CTNNA3: variants seen among roughly 807,000 people sequenced by gnomAD.
CTNNA3 encodes the protein catenin alpha 3, also known as catenin alpha-3.
Under a neutral mutation model 95.7 loss-of-function variants are expected in CTNNA3, and 76 were observed. That is an observed-to-expected ratio of 0.79 (90% CI 0.66 to 0.96). CTNNA3 has a LOEUF of 0.96. CTNNA3 is among the 40% of genes least tolerant of loss of function. CTNNA3 has a pLI of 0.00. For missense variants in CTNNA3, 1,191 were observed against 1,089.8 expected, an observed-to-expected ratio of 1.09 and a Z score of -1.31; for synonymous variants, 431 against 374.4, an observed-to-expected ratio of 1.15 and a Z score of -1.74.
intron 7 of CTNNA3, among the ~76,000 whole-genome samples, chr10:66,798,332 T>C (rs983509263): frequency 1.3e-5 from 2 of 151,798 alleles, no homozygotes; most frequent in Non-Finnish European, 2.9e-5. Context: ...TATTAACCTG[T>C]TTAGATTTAT....
At chr10:67,359,251 A>AG (rs945773837) in intron 5 of CTNNA3, among the ~76,000 whole-genome samples, 12 of 151,782 alleles carry the variant, frequency 7.9e-5, no homozygotes, top group African/African-American at 2.9e-4. Flanking sequence ...AAAAAAAAAA[A>AG]AAAGAAAGAA....
At chr10:66,237,961 G>T (rs2089934990) in intron 13 of CTNNA3, among the ~76,000 whole-genome samples, 1 of 151,926 alleles carries the variant, frequency 6.6e-6, no homozygotes, top group African/African-American at 2.4e-5. Flanking sequence ...CAAATCATTT[G>T]CTATAAATGA....
chr10:66,514,844 T>G (rs1287231843), intron 11 of CTNNA3, among the ~76,000 whole-genome samples: 2 of 152,160 alleles, frequency 1.3e-5, no homozygotes, highest in African/African-American at 2.4e-5. Flanking sequence ...TAGCTCATGA[T>G]GAGTCAGTTT....
intron 5 of CTNNA3, among the ~76,000 whole-genome samples, chr10:67,226,638 A>C (rs1292854018): frequency 6.6e-6 from 1 of 152,206 alleles, no homozygotes; most frequent in African/African-American, 2.4e-5. Context: ...ATCATATATG[A>C]AGGAAAGATA....
intron 13 of CTNNA3, among the ~76,000 whole-genome samples, chr10:66,144,733 C>G (rs2083793810): frequency 6.6e-6 from 1 of 152,312 alleles, no homozygotes; most frequent in African/African-American, 2.4e-5. Context: ...GATCATCCAC[C>G]CGCATTGGCC....
At chr10:66,335,977 A>C (rs1387071361) in intron 12 of CTNNA3, among the ~76,000 whole-genome samples, 1 of 152,108 alleles carries the variant, frequency 6.6e-6, no homozygotes, top group Non-Finnish European at 1.5e-5. Flanking sequence ...GTTTGATCTC[A>C]GCCTGCTGTG....
At chr10:66,542,657 A>C (rs1841896644) in intron 10 of CTNNA3, among the ~76,000 whole-genome samples, 1 of 147,618 alleles carries the variant, frequency 6.8e-6, no homozygotes, top group Non-Finnish European at 1.5e-5. Flanking sequence ...CAAACACCGC[A>C]TGTTCTCACT....
intron 11 of CTNNA3, among the ~76,000 whole-genome samples, chr10:66,469,646 T>C (rs547119035): frequency 9.2e-5 from 14 of 151,964 alleles, no homozygotes; most frequent in Non-Finnish European, 2.1e-4. Flanking sequence ...TACCCTGCAC[T>C]ACAGACACTG....
chr10:66,396,148 T>C (rs975993404), intron 11 of CTNNA3, among the ~76,000 whole-genome samples: 1 of 152,034 alleles, frequency 6.6e-6, no homozygotes, highest in African/African-American at 2.4e-5. Context: ...TAGTATTCCA[T>C]GCATATACCA....
At position 66,927,314 on chromosome 10, in the gene CTNNA3, C is replaced by T. The variant is rs1847136021; in HGVS notation, c.1048-151790G>A. On this transcript the variant is annotated intron_variant, in intron 7 of 17. Coordinates refer to ENST00000433211, the MANE Select transcript of CTNNA3 (RefSeq NM_013266.4). The surrounding 1 kb of genome is among the most constrained non-coding windows in gnomAD (Gnocchi z 4.7). ...CTTAACAATACCTTCAGACCTGTGA[C>T]AAATTTACGGAACTTGGATCTGTCC... The T allele has an allele frequency of 1.9e-6, 3 of 1,614,038 alleles. No individual in the cohort carries two copies. The highest frequency in any genetic ancestry group is 1.7e-6 in the Non-Finnish European group (2 of 1,180,036).
At chr10:66,491,737 A>C (rs1839930419) in intron 11 of CTNNA3, among the ~76,000 whole-genome samples, 1 of 152,176 alleles carries the variant, frequency 6.6e-6, no homozygotes, top group Non-Finnish European at 1.5e-5. Context: ...AAAATCAGGC[A>C]GGCTAATTTT....
At chr10:66,903,327 GC>G (rs1306238908) in intron 7 of CTNNA3, among the ~76,000 whole-genome samples, 7 of 151,998 alleles carry the variant, frequency 4.6e-5, no homozygotes, top group Admixed American at 4.6e-4. Flanking sequence ...AAATTCAATA[GC>G]CCTTCCTGCT....
At chr10:66,534,488 A>ATG in intron 10 of CTNNA3, among the ~76,000 whole-genome samples, 1 of 13,898 alleles carries the variant, frequency 7.2e-5, no homozygotes, top group Non-Finnish European at 3.7e-4. Flanking sequence ...ATATATATAT[A>ATG]TATATATATA....
intron 1 of CTNNA3, among the ~76,000 whole-genome samples, chr10:67,704,997 C>T (rs546762506): frequency 7.2e-5 from 11 of 152,294 alleles, no homozygotes; most frequent in Admixed American, 1.3e-4. Flanking sequence ...CAAAAGAAGA[C>T]ACTTATGCAG....
rs529220748 is a variant in CTNNA3 at position 67,674,926 on chromosome 10, T to C, written c.-6+21074A>G. Among the ~76,000 whole-genome samples the C allele has an allele frequency of 8.6e-4, 123 of 143,134 alleles. 1 individual carries two copies. The highest frequency in any genetic ancestry group is 2.8e-3 in the African/African-American group (117 of 41,272). The allele number at this position is 143,134 out of a possible 152,430, so 93.9% of individuals were successfully genotyped here. ...TGTCTAGGATACCTTCCCTTGAACA[T>C]TGTAACATCTGTATATGAAAGTTCC... On this transcript the variant is annotated intron_variant, in intron 1 of 17. Coordinates refer to ENST00000433211, the MANE Select transcript of CTNNA3 (RefSeq NM_013266.4).
intron 17 of CTNNA3, among the ~76,000 whole-genome samples, chr10:65,942,111 A>C (rs188074313): frequency 6.6e-6 from 1 of 152,344 alleles, no homozygotes; most frequent in East Asian, 1.9e-4. Context: ...CTCTATACTT[A>C]TCTGTTCATG....
intron 1 of CTNNA3, among the ~76,000 whole-genome samples, chr10:67,667,010 A>G (rs1283703515): frequency 6.6e-6 from 1 of 152,194 alleles, no homozygotes; most frequent in Non-Finnish European, 1.5e-5. Flanking sequence ...TCTAAGCTCC[A>G]TTAGAAAATC....
At chr10:66,733,696 G>T (rs1849038659) in intron 9 of CTNNA3, among the ~76,000 whole-genome samples, 1 of 151,566 alleles carries the variant, frequency 6.6e-6, no homozygotes, top group African/African-American at 2.4e-5. Flanking sequence ...TTTCTAATGA[G>T]TTAGGAAAAT....
At position 66,020,826 on chromosome 10, in the gene CTNNA3, C is replaced by A. The variant is rs2079189107; in HGVS notation, c.2160-32029G>T. On this transcript the variant is annotated intron_variant, in intron 15 of 17. Coordinates refer to ENST00000433211, the MANE Select transcript of CTNNA3 (RefSeq NM_013266.4). ...AGCTGGGACTACAGGCACCTGCCAC[C>A]ATACCCAGCTAATTTTTTTTGTATT... 2.0e-5 allele frequency among the ~76,000 whole-genome samples: 3 copies of A among 152,178 alleles called. 1 individual carries two copies. Among genetic ancestry groups the A allele is most frequent in the South Asian group, 4.2e-4 (2 of 4,810 alleles).
Sources: allele counts gnomAD v4.1 joint callset (sites outside exome capture counted in the v4.1 genomes callset), GRCh38; gene constraint gnomAD v4.1.1; non-coding constraint Gnocchi (gnomAD v3.1); transcripts MANE v1.5; gene names NCBI Gene and HGNC (gene_info 2026-07-23, HGNC 2026-07-21).